THEMIS: variants seen among roughly 807,000 people sequenced by gnomAD.
THEMIS encodes thymocyte selection associated.
THEMIS carries 37 observed loss-of-function variants against 52.6 expected under a neutral mutation model. The ratio of observed to expected loss-of-function variants is 0.70; its 90% CI spans 0.54 to 0.93. The LOEUF is 0.93. Among genes scored for constraint, THEMIS ranks in the 40% least tolerant of loss-of-function variants. THEMIS has a pLI of 0.00. For synonymous variants in THEMIS, 292 were observed against 272.7 expected (o/e 1.07, Z -0.70); for missense variants, 808 against 763.1 (o/e 1.06, Z -0.69).
chr6:127,716,726 A>G (rs1774177866), intron 5 of THEMIS, among the ~76,000 whole-genome samples: 1 of 151,674 alleles, frequency 6.6e-6, no homozygotes, highest in Admixed American at 6.6e-5. Flanking sequence ...CAATGAAAAC[A>G]TTTCCACTTA....
Position 127,709,724 on chromosome 6 carries a change from A to G in THEMIS, c.*261T>C. Reference sequence around the variant, plus strand: ...AAATAAGAATCTGAAAAAATGTGCAAGTTAAATAAATACGTCCTAAAGAAC... The same window carrying G: ...AAATAAGAATCTGAAAAAATGTGCAGGTTAAATAAATACGTCCTAAAGAAC... On this transcript the variant is annotated 3_prime_UTR_variant, in exon 6 of 6. Transcript: ENST00000368248. The G allele has an allele frequency of 3.0e-6, 1 of 331,078 alleles. No homozygotes were observed. Among genetic ancestry groups the G allele is most frequent in the African/African-American group, 2.1e-5 (1 of 47,104 alleles). 20.5% of individuals were successfully genotyped at this position (331,078 alleles called of 1,614,324 possible).
chr6:127,847,762 A>G (rs1779268297), intron 2 of THEMIS, among the ~76,000 whole-genome samples: 1 of 151,858 alleles, frequency 6.6e-6, no homozygotes. Flanking sequence ...TCAAAATACC[A>G]GCATCATTCT....
chr6:127,811,057 CA>C (rs535405635), intron 4 of THEMIS, among the ~76,000 whole-genome samples: 13 of 151,780 alleles, frequency 8.6e-5, no homozygotes, highest in East Asian at 5.8e-4. Context: ...CAAACAACAA[CA>C]AAAAAAACCA....
intron 4 of THEMIS, among the ~76,000 whole-genome samples, chr6:127,728,978 A>AC (rs1000072260): frequency 9.3e-5 from 14 of 150,894 alleles, no homozygotes; most frequent in Non-Finnish European, 1.8e-4. Flanking sequence ...ATACACTTGA[A>AC]CCCCCCTCTC....
At position 127,792,179 on chromosome 6, in the gene THEMIS, G is replaced by A. The variant is rs542508410; in HGVS notation, c.1758+20704C>T. 1.6e-4 allele frequency among the ~76,000 whole-genome samples: 24 copies of A among 152,296 alleles called. 1 individual carries two copies. The highest frequency in any genetic ancestry group is 8.5e-4 in the Admixed American group (13 of 15,306). Reference sequence around the variant, plus strand: ...ATGCAGCGGCCACTCAAGGTGGGCCGCCGCTGCCATCAGTATTGCTCTGTC... The same window carrying A: ...ATGCAGCGGCCACTCAAGGTGGGCCACCGCTGCCATCAGTATTGCTCTGTC... On this transcript the variant is annotated intron_variant, in intron 4 of 5. Transcript: ENST00000368248.
At chr6:127,739,410 G>C (rs556645532) in intron 4 of THEMIS, among the ~76,000 whole-genome samples, 1 of 152,298 alleles carries the variant, frequency 6.6e-6, no homozygotes, top group Admixed American at 6.5e-5. Context: ...CACTTTGGGA[G>C]GCCAAGGCAG....
At chr6:127,796,376 C>T (rs908748928) in intron 4 of THEMIS, among the ~76,000 whole-genome samples, 2 of 152,064 alleles carry the variant, frequency 1.3e-5, no homozygotes, top group East Asian at 1.9e-4. Flanking sequence ...CCTACAAGTG[C>T]GTTTTTAGTG....
intron 5 of THEMIS, 77 bp downstream of exon 5, chr6:127,719,611 A>G: frequency 5.3e-6 from 7 of 1,321,432 alleles, no homozygotes; most frequent in Non-Finnish European, 7.2e-6. Flanking sequence ...AATAATAGTA[A>G]GAATCTGTCC....
chr6:127,736,869 A>AAAAAAAG (rs1311286464), intron 4 of THEMIS, among the ~76,000 whole-genome samples: 10 of 151,274 alleles, frequency 6.6e-5, no homozygotes, highest in Non-Finnish European at 1.5e-4. Context: ...AAAAAAAAAG[A>AAAAAAAG]AAAAATATTT....
At chr6:127,848,848 G>A (rs1355584280) in intron 2 of THEMIS, among the ~76,000 whole-genome samples, 1 of 152,060 alleles carries the variant, frequency 6.6e-6, no homozygotes, top group African/African-American at 2.4e-5. Flanking sequence ...TGAGTAGATT[G>A]CAAAAATTTC....
chr6:127,730,481 G>GAAGA (rs1425392532), intron 4 of THEMIS, among the ~76,000 whole-genome samples: 4 of 149,770 alleles, frequency 2.7e-5, no homozygotes, highest in African/African-American at 4.9e-5. Flanking sequence ...GAGACAGAAA[G>GAAGA]AAGAAAGAAA....
Position 127,829,544 on chromosome 6 carries a change from G to T in THEMIS, c.641C>A (p.Pro214Gln). 2 of 1,613,748 alleles carry T rather than the reference G, an allele frequency of 1.2e-6. No individual in the cohort carries two copies. Among genetic ancestry groups the T allele is most frequent in the Non-Finnish European group, 1.7e-6 (2 of 1,179,894 alleles). ...DFSNKWDSTNPFPKDFYGTLI... is the reference protein window; with the variant it reads ...DFSNKWDSTNQFPKDFYGTLI... ...GGTACCATAAAAGTCTTTAGGAAATGGATTCGTTGAGTCCCACTTATTTGA... is the reference window on the plus strand; with the variant it reads ...GGTACCATAAAAGTCTTTAGGAAATTGATTCGTTGAGTCCCACTTATTTGA... The change falls in exon 3 of 6, where the codon CCA (proline) becomes CAA (glutamine). Residue 214 changes from proline to glutamine, a missense_variant. Pro to Gln is a moderately conservative substitution (Grantham distance 76, BLOSUM62 -1). Transcript: ENST00000368248.
intron 1 of THEMIS, among the ~76,000 whole-genome samples, chr6:127,887,601 A>G (rs1195504097): frequency 6.6e-6 from 1 of 152,154 alleles, no homozygotes; most frequent in Non-Finnish European, 1.5e-5. Flanking sequence ...AAGCCAGATA[A>G]AAAAGACTGC....
rs564452255 is a variant in THEMIS at position 127,895,360 on chromosome 6, C to T, written c.91+5482G>A. Among the ~76,000 whole-genome samples the T allele has an allele frequency of 1.2e-3, 184 of 151,576 alleles. 1 individual carries two copies. The highest frequency in any genetic ancestry group is 4.2e-3 in the African/African-American group (176 of 41,506). On this transcript the variant is annotated intron_variant, in intron 1 of 5. Coordinates refer to ENST00000368248, the MANE Select transcript of THEMIS (RefSeq NM_001010923.3). Reference sequence around the variant, plus strand: ...CATTTGTGGTAAGAAAGAGACACAACTTGATGTTTCTGACATTAATGTCTA... The same window carrying T: ...CATTTGTGGTAAGAAAGAGACACAATTTGATGTTTCTGACATTAATGTCTA...
At chr6:127,825,868 A>T (rs1778489889) in intron 3 of THEMIS, among the ~76,000 whole-genome samples, 1 of 151,710 alleles carries the variant, frequency 6.6e-6, no homozygotes, top group East Asian at 1.9e-4. Flanking sequence ...AAATTGAAGA[A>T]AATCAAGCAA....
intron 1 of THEMIS, among the ~76,000 whole-genome samples, chr6:127,881,111 C>T (rs545831839): frequency 1.3e-5 from 2 of 152,130 alleles, no homozygotes; most frequent in African/African-American, 4.8e-5. Context: ...CTTGAAGTCA[C>T]TTTCTTTCCC....
chr6:127,885,262 C>T lies in THEMIS; in HGVS notation c.91+15580G>A, dbSNP rs571403486. Among the ~76,000 whole-genome samples, 5 of 152,176 alleles carry T rather than the reference C, an allele frequency of 3.3e-5. No individual in the cohort carries two copies. The South Asian group carries it at 1.0e-3, about 32-fold the overall frequency. The stretch of plus-strand genomic sequence containing the variant: ...CTGAACCCCCTTTTGAGCTTTAAAA[C>T]TTGCATAACCTTCTAAACAATTTTC... On this transcript the variant is annotated intron_variant, in intron 1 of 5. Transcript: ENST00000368248.
chr6:127,842,144 C>T (rs528380915), intron 2 of THEMIS, among the ~76,000 whole-genome samples: 1 of 151,882 alleles, frequency 6.6e-6, no homozygotes, highest in South Asian at 2.1e-4. Flanking sequence ...ATATTTTTTG[C>T]ATAATAATTT....
At chr6:127,834,814 C>T (rs1296559236) in intron 2 of THEMIS, among the ~76,000 whole-genome samples, 1 of 152,088 alleles carries the variant, frequency 6.6e-6, no homozygotes, top group African/African-American at 2.4e-5. Context: ...ATTTGGGATG[C>T]TTAACAAATT....
Sources: allele counts gnomAD v4.1 joint callset (sites outside exome capture counted in the v4.1 genomes callset), GRCh38; gene constraint gnomAD v4.1.1; transcripts MANE v1.5; gene names NCBI Gene and HGNC (gene_info 2026-07-23, HGNC 2026-07-21).